KCNG2: variants seen among roughly 807,000 people sequenced by gnomAD.
KCNG2 encodes the protein potassium voltage-gated channel modifier subfamily G member 2.
KCNG2 carries 7 observed loss-of-function variants against 12.3 expected under a neutral mutation model. The observed-to-expected ratio is 0.57, with a 90% CI of 0.32 to 1.07. The LOEUF is 1.07. Ranked by LOEUF, KCNG2 falls within the 50% of genes least tolerant of loss-of-function variation. The pLI, the probability that KCNG2 is intolerant of heterozygous loss-of-function variation, is 0.04. For synonymous variants in KCNG2, 414 were observed against 351.4 expected (o/e 1.18, Z -1.99); for missense variants, 703 against 726.0 (o/e 0.97, Z 0.36).
At chr18:79,843,598 T>C (rs1978530983) in intron 1 of KCNG2, among the ~76,000 whole-genome samples, 1 of 152,182 alleles carries the variant, frequency 6.6e-6, no homozygotes, top group Non-Finnish European at 1.5e-5. Context: ...ACATAAAATG[T>C]GTGAGAAGAA....
rs745631622 is a variant in KCNG2, at chr18:79,864,216, C to A, written c.549C>A (p.Ser183=). The part of the protein sequence containing the change: ...GLAGKLFACV[S]VSFVAVTAVG... ...CGGGCAAGCTCTTCGCCTGCGTGTC[C>A]GTGTCCTTCGTGGCCGTCACGGCCG... The change falls in exon 3 of 4, where the codon TCC becomes TCA. Residue 183 remains serine, a synonymous_variant. Coordinates refer to ENST00000316249, the MANE Select transcript of KCNG2 (RefSeq NM_012283.2). 2 of 1,549,902 alleles carry A rather than the reference C, an allele frequency of 1.3e-6. No homozygotes were observed.
At chr18:79,890,608 T>A (rs1980711566) in intron 3 of KCNG2, among the ~76,000 whole-genome samples, 1 of 152,236 alleles carries the variant, frequency 6.6e-6, no homozygotes, top group South Asian at 2.1e-4. Flanking sequence ...CTTAGGATAA[T>A]AGCCTCCAGC....
At chr18:79,815,620 CT>C (rs1357890924) in intron 1 of KCNG2, among the ~76,000 whole-genome samples, 2 of 152,226 alleles carry the variant, frequency 1.3e-5, no homozygotes, top group Non-Finnish European at 2.9e-5. Flanking sequence ...CTGCGCCCAG[CT>C]GTCCCTGCCC....
At chr18:79,882,148 A>G (rs962009688) in intron 3 of KCNG2, among the ~76,000 whole-genome samples, 6 of 152,288 alleles carry the variant, frequency 3.9e-5, no homozygotes, top group African/African-American at 1.4e-4. Context: ...GTAAGGAAGG[A>G]GTTCCCAGAC....
Position 79,899,108 on chromosome 18 carries a change from C to A in KCNG2, c.693C>A (p.Phe231Leu). 1 of 1,605,224 alleles carries A rather than the reference C, an allele frequency of 6.2e-7. No homozygotes were observed. The change falls in exon 4 of 4, where the codon TTC becomes TTA. Residue 231 changes from phenylalanine to leucine, a missense_variant. By Grantham distance (22) the Phe-to-Leu change is conservative. Coordinates refer to ENST00000316249, the MANE Select transcript of KCNG2 (RefSeq NM_012283.2). ...CCGTGTGCGTGGCCTGGTTCTCCTTCGAGTTCCTGCTGCGCTCCCTGCAGG... is the reference window on the plus strand; with the variant it reads ...CCGTGTGCGTGGCCTGGTTCTCCTTAGAGTTCCTGCTGCGCTCCCTGCAGG... Reference protein sequence around the residue: ...LETVCVAWFSFEFLLRSLQAE... With the variant: ...LETVCVAWFSLEFLLRSLQAE...
At chr18:79,819,331 C>T (rs1038459112) in intron 1 of KCNG2, among the ~76,000 whole-genome samples, 6 of 152,230 alleles carry the variant, frequency 3.9e-5, no homozygotes, top group African/African-American at 1.4e-4. Flanking sequence ...GCCTCACCAA[C>T]CGAGGGACCC....
chr18:79,861,534 C>A (rs1204510034), intron 2 of KCNG2, among the ~76,000 whole-genome samples: 1 of 152,190 alleles, frequency 6.6e-6, no homozygotes, highest in African/African-American at 2.4e-5. Flanking sequence ...CTGCCTCGGC[C>A]TCCCAAAGTG....
intron 3 of KCNG2, among the ~76,000 whole-genome samples, chr18:79,867,510 C>A (rs866522877): frequency 1.4e-5 from 1 of 73,780 alleles, no homozygotes; most frequent in Non-Finnish European, 2.4e-5. Flanking sequence ...ATCGTGAGCC[C>A]GGCGTGTGTC....
chr18:79,881,366 C>G (rs940516626), intron 3 of KCNG2, among the ~76,000 whole-genome samples: 1 of 152,124 alleles, frequency 6.6e-6, no homozygotes, highest in Non-Finnish European at 1.5e-5. Context: ...TGTAGAAACA[C>G]GCCGTATGAT....
At chr18:79,871,704 CT>C (rs1852999082) in intron 3 of KCNG2, among the ~76,000 whole-genome samples, 1 of 152,202 alleles carries the variant, frequency 6.6e-6, no homozygotes, top group Non-Finnish European at 1.5e-5. Context: ...AGGCGGCCCC[CT>C]ATGACGCCTT....
chr18:79,855,164 G>A (rs767065802), intron 1 of KCNG2, among the ~76,000 whole-genome samples: 5 of 152,046 alleles, frequency 3.3e-5, no homozygotes, highest in Non-Finnish European at 5.9e-5. Flanking sequence ...ATGTGCTCAC[G>A]GTGGACTGTT....
At chr18:79,880,255 T>G (rs1278924144) in intron 3 of KCNG2, among the ~76,000 whole-genome samples, 1 of 141,958 alleles carries the variant, frequency 7.0e-6, no homozygotes, top group Non-Finnish European at 1.5e-5. Flanking sequence ...GTTTTGAATA[T>G]CACATGAGCC....
At chr18:79,842,088 C>T (rs1216432237) in intron 1 of KCNG2, among the ~76,000 whole-genome samples, 1 of 152,216 alleles carries the variant, frequency 6.6e-6, no homozygotes, top group Admixed American at 6.5e-5. Flanking sequence ...TCCAGGCCCA[C>T]CCTAGCTCCA....
intron 1 of KCNG2, among the ~76,000 whole-genome samples, chr18:79,825,588 T>A (rs1008807249): frequency 7.2e-5 from 11 of 152,186 alleles, no homozygotes; most frequent in Admixed American, 7.2e-4. Flanking sequence ...TTTTACCAAG[T>A]CCCTGTCGGT....
chr18:79,881,030 C>T (rs369398246), intron 3 of KCNG2, among the ~76,000 whole-genome samples: 13 of 152,292 alleles, frequency 8.5e-5, no homozygotes, highest in East Asian at 1.9e-4. Flanking sequence ...AATGTTTTCC[C>T]GTTAAGATTG....
At chr18:79,895,064 C>T (rs1395635679) in intron 3 of KCNG2, among the ~76,000 whole-genome samples, 1 of 151,716 alleles carries the variant, frequency 6.6e-6, no homozygotes, top group Non-Finnish European at 1.5e-5. Flanking sequence ...TTGTTCACAC[C>T]ATTCATAATG....
At chr18:79,848,999 G>A (rs1010958480) in intron 1 of KCNG2, among the ~76,000 whole-genome samples, 5 of 152,156 alleles carry the variant, frequency 3.3e-5, no homozygotes, top group Admixed American at 2.0e-4. Context: ...AAAGAGCCGT[G>A]GATAATGAGT....
chr18:79,850,412 A>T (rs1379527642), intron 1 of KCNG2, among the ~76,000 whole-genome samples: 2 of 152,202 alleles, frequency 1.3e-5, no homozygotes, highest in Admixed American at 1.3e-4. Context: ...TTTTGTATTT[A>T]TTCAGAGTTC....
rs2087424325 is a variant in KCNG2 at position 79,803,164 on chromosome 18, C to T, written c.-115+5150C>T. Among the ~76,000 whole-genome samples the T allele has an allele frequency of 1.3e-5, 2 of 152,068 alleles. No individual in the cohort carries two copies. The highest frequency in any genetic ancestry group is 2.9e-5 in the Non-Finnish European group (2 of 68,024). On this transcript the variant is annotated intron_variant, in intron 1 of 3. Transcript: ENST00000316249. The surrounding 1 kb of genome is among the most constrained non-coding windows in gnomAD (Gnocchi z 4.5). ...CTGCACTCCAGCCTGGGTGACAGAG[C>T]AAGACTCTGTCTCAAAAAAAAAATA...
Sources: gnomAD v4.1 joint callset for allele counts (sites outside exome capture counted in the v4.1 genomes callset) on GRCh38, gnomAD v4.1.1 for gene constraint, Gnocchi (gnomAD v3.1) non-coding constraint, MANE v1.5 for transcripts, NCBI Gene and HGNC (gene_info 2026-07-23, HGNC 2026-07-21) for gene names.